Variants in FAM181A observed in about 807,000 individuals in gnomAD.
FAM181A encodes protein FAM181A.
A neutral mutation model predicts 16.3 loss-of-function variants in FAM181A; 7 were observed. The observed-to-expected ratio is 0.43, with a 90% CI of 0.24 to 0.81. The LOEUF is 0.81. Among genes scored for constraint, FAM181A ranks in the 30% least tolerant of loss-of-function variants. FAM181A has a pLI of 0.24. For synonymous variants in FAM181A, 183 were observed against 164.9 expected, an observed-to-expected ratio of 1.11 and a Z score of -0.84; for missense variants, 349 against 377.5, an observed-to-expected ratio of 0.92 and a Z score of 0.63.
At chr14:93,922,183 T>G (rs1887750425) in intron 1 of FAM181A, 1 of 152,194 alleles carries the variant, frequency 6.6e-6, no homozygotes, top group Non-Finnish European at 1.5e-5. Flanking sequence ...GGTGTGAAAA[T>G]GTAAAATCTC....
Position 93,929,233 on chromosome 14 carries a change from T to C in FAM181A, c.*69T>C, listed in dbSNP as rs1388607228. On this transcript the variant is annotated 3_prime_UTR_variant, in exon 2 of 2. Coordinates refer to ENST00000556222, the MANE Select transcript of FAM181A (RefSeq NM_001207073.2). Reference sequence around the variant, plus strand: ...TGTCGAGGTCCCCGAGGCGCTCTCCTGTGAGGAGGTGGCTGGGCCACAGTG... The same window carrying C: ...TGTCGAGGTCCCCGAGGCGCTCTCCCGTGAGGAGGTGGCTGGGCCACAGTG... The C allele has an allele frequency of 1.3e-6, 2 of 1,488,016 alleles. No individual in the cohort carries two copies. The highest frequency in any genetic ancestry group is 2.3e-5 in the East Asian group (1 of 43,824). 92.2% of individuals were successfully genotyped at this position (1,488,016 alleles called of 1,614,324 possible).
At chr14:93,924,695 T>C (rs1268790770), upstream of FAM181A, among the ~76,000 whole-genome samples, 2 of 152,240 alleles carry the variant, frequency 1.3e-5, no homozygotes, top group African/African-American at 4.8e-5. Context: ...CTGGTCTTCC[T>C]GGCCGGCAGC....
At position 93,928,229 on chromosome 14, in the gene FAM181A, G is replaced by A. The variant is rs748244971; in HGVS notation, c.-57G>A. The A allele has an allele frequency of 6.8e-6, 11 of 1,613,310 alleles. No homozygotes were observed. Among genetic ancestry groups the A allele is most frequent in the South Asian group, 2.2e-5 (2 of 91,078 alleles). On this transcript the variant is annotated 5_prime_UTR_variant, in exon 2 of 2. Transcript: ENST00000556222. ...CTCGGTGCCCTTCCTTGGAGCTGCC[G>A]GCCACCAGCAGAGCCTACCCTCTTC...
chr14:93,919,934 C>A (rs1887662180), intron 1 of FAM181A, among the ~76,000 whole-genome samples: 1 of 149,740 alleles, frequency 6.7e-6, no homozygotes, highest in African/African-American at 2.5e-5. Flanking sequence ...TGAAATAAGC[C>A]CAAAGCAAGA....
At position 93,928,723 on chromosome 14, in the gene FAM181A, C is replaced by T. The variant is rs1041686831; in HGVS notation, c.438C>T (p.Thr146=). Residue 146 remains threonine, a synonymous_variant, in exon 2 of 2, where the codon ACC becomes ACT. Coordinates refer to ENST00000556222, the MANE Select transcript of FAM181A (RefSeq NM_001207073.2). ...PASFWEEPRP[T]HSYHVGLEGG... Reference sequence around the variant, plus strand: ...CCTTCTGGGAAGAGCCAAGGCCCACCCACAGCTACCATGTGGGGCTGGAGG... The same window carrying T: ...CCTTCTGGGAAGAGCCAAGGCCCACTCACAGCTACCATGTGGGGCTGGAGG... 1.9e-6 allele frequency: 3 copies of T among 1,613,854 alleles called. No homozygotes were observed. The African/African-American group carries it at 4.0e-5, about 22-fold the overall frequency.
intron 1 of FAM181A, among the ~76,000 whole-genome samples, chr14:93,920,360 GTGTGCCACAAT>G (rs533993152): frequency 1.3e-5 from 2 of 152,174 alleles, no homozygotes; most frequent in South Asian, 4.1e-4. Context: ...AGACACCGCA[GTGTGCCACAAT>G]TGTGCCACTG....
rs545819674 is a variant in FAM181A, at chr14:93,920,406, T to C, written c.-225+1412T>C. On this transcript the variant is annotated intron_variant, in intron 1 of 2. Transcript: ENST00000267594. ...GCACTGCAGTGACAGAGCAAGACCTTGTCTCAAAAAAAGAAGAAAGAAAGA... is the reference window on the plus strand; with the variant it reads ...GCACTGCAGTGACAGAGCAAGACCTCGTCTCAAAAAAAGAAGAAAGAAAGA... 2.7e-5 allele frequency among the ~76,000 whole-genome samples: 4 copies of C among 149,400 alleles called. No homozygotes were observed. The East Asian group carries it at 7.9e-4, about 29-fold the overall frequency.
upstream of FAM181A, chr14:93,927,243 C>A (rs905225939): frequency 5.6e-5 from 56 of 993,100 alleles, no homozygotes; most frequent in Non-Finnish European, 6.5e-5. Flanking sequence ...GGGGCGCCGC[C>A]GCCTGATTGG....
upstream of FAM181A, among the ~76,000 whole-genome samples, chr14:93,925,856 C>T (rs1289013379): frequency 6.6e-6 from 1 of 152,030 alleles, no homozygotes; most frequent in African/African-American, 2.4e-5. Flanking sequence ...CTGTAAGGAC[C>T]CTCAGGCCAG....
At chr14:93,927,603 C>G (rs1231773886) in intron 1 of FAM181A, 149 bp downstream of exon 1, 1 of 1,286,824 alleles carries the variant, frequency 7.8e-7, no homozygotes, top group South Asian at 1.2e-5. Flanking sequence ...CCCTGCTGCC[C>G]GCAGCCTGAG....
chr14:93,922,555 T>C (rs565389606), upstream of FAM181A, among the ~76,000 whole-genome samples: 1 of 152,176 alleles, frequency 6.6e-6, no homozygotes, highest in African/African-American at 2.4e-5. Flanking sequence ...CCAGGGGTGG[T>C]GGCACACGTC....
Position 93,928,304 on chromosome 14 carries a change from G to C in FAM181A, c.19G>C (p.Val7Leu). ...CCTGGTGATGGCATCCGACAGTGAT[G>C]TGAAGATGCTGCTGAACTTCGTGAA... is the stretch of plus-strand genomic sequence containing the variant. Reference protein sequence around the residue: MASDSDVKMLLNFVNLA... With the variant: MASDSDLKMLLNFVNLA... The change falls in exon 2 of 2, where the codon GTG (valine) becomes CTG (leucine). Residue 7 changes from valine (V) to leucine (L), a missense_variant. Transcript: ENST00000556222. 1 of 1,613,836 alleles carries C rather than the reference G, an allele frequency of 6.2e-7. No homozygotes were observed. Among genetic ancestry groups the C allele is most frequent in the East Asian group, 2.2e-5 (1 of 44,886 alleles).
In FAM181A at chr14:93,929,133, C is replaced by T. The variant is rs758540528; in HGVS notation, c.848C>T (p.Pro283Leu). The change falls in exon 2 of 2, where the codon CCA (proline) becomes CTA (leucine). Residue 283 changes from proline to leucine, a missense_variant. Coordinates refer to ENST00000556222, the MANE Select transcript of FAM181A (RefSeq NM_001207073.2). ...ATCCCCACCAAGCCAGCCGTGCCCC[C>T]ACCCATCTTCAATGTCTTTGGCTAC... is the stretch of plus-strand genomic sequence containing the variant. ...KPIPTKPAVP[P>L]PIFNVFGYL is the part of the protein sequence containing the mutation. The T allele has an allele frequency of 1.3e-6, 2 of 1,521,244 alleles. No individual in the cohort carries two copies. The highest frequency in any genetic ancestry group is 4.4e-5 in the Admixed American group (2 of 45,750). The allele number at this position is 1,521,244 out of a possible 1,614,324, so 94.2% of individuals were successfully genotyped here. A position where few individuals can be genotyped will look rare whatever the true frequency, so the allele number is the denominator to read the frequency against.
In FAM181A at chr14:93,929,168, C is replaced by A; in HGVS notation, c.*4C>A. The A allele has an allele frequency of 6.6e-7, 1 of 1,512,744 alleles. No individual in the cohort carries two copies. The highest frequency in any genetic ancestry group is 1.4e-5 in the African/African-American group (1 of 71,802). 93.7% of individuals were successfully genotyped at this position (1,512,744 alleles called of 1,614,324 possible). ...CAATGTCTTTGGCTACCTCTAGCCA[C>A]GCGGAGAGGGCCTCAGCCCCCACCT... On this transcript the variant is annotated 3_prime_UTR_variant, in exon 2 of 2. Transcript: ENST00000556222.
At chr14:93,924,674 A>G (rs1035638507), upstream of FAM181A, among the ~76,000 whole-genome samples, 2 of 152,230 alleles carry the variant, frequency 1.3e-5, no homozygotes, top group Admixed American at 6.5e-5. Context: ...CCCAGGACGC[A>G]TGGAGAAAAT....
chr14:93,925,054 G>T, upstream of FAM181A: 7 of 518,856 alleles, frequency 1.3e-5, no homozygotes, highest in South Asian at 5.9e-5. Flanking sequence ...AAAGTGTTTG[G>T]TGGAAGAACA....
chr14:93,925,397 C>T, upstream of FAM181A: 1 of 1,602,660 alleles, frequency 6.2e-7, no homozygotes, highest in Non-Finnish European at 8.5e-7. Context: ...ATGCCAGCTG[C>T]TGGAGAGGTT....
chr14:93,926,077 C>A (rs1388558157), upstream of FAM181A, among the ~76,000 whole-genome samples: 2 of 152,002 alleles, frequency 1.3e-5, no homozygotes, highest in Non-Finnish European at 2.9e-5. This position sits in a 1 kb window ranked among gnomAD's most constrained non-coding sequence, Gnocchi z 5.2. Flanking sequence ...AGGCCACCAG[C>A]CATCTGGCTG....
At chr14:93,923,066 C>T (rs940712008), upstream of FAM181A, among the ~76,000 whole-genome samples, 7 of 152,118 alleles carry the variant, frequency 4.6e-5, no homozygotes, top group Admixed American at 3.9e-4. Flanking sequence ...CATCTGCCTC[C>T]TGGGTTCAAA....
Sources: allele counts gnomAD v4.1 joint callset (sites outside exome capture counted in the v4.1 genomes callset), GRCh38; gene constraint gnomAD v4.1.1; non-coding constraint Gnocchi (gnomAD v3.1); transcripts MANE v1.5; gene names NCBI Gene and HGNC (gene_info 2026-07-23, HGNC 2026-07-21).